Variants in APBA1 observed in about 807,000 individuals in gnomAD.
APBA1 encodes the protein amyloid-beta A4 precursor protein-binding family A member 1.
APBA1 carries 55 observed loss-of-function variants against 86.6 expected under a neutral mutation model. The observed-to-expected ratio is 0.64, with a 90% CI of 0.51 to 0.80. APBA1 has a LOEUF of 0.80. Ranked by LOEUF, APBA1 falls within the 30% of genes least tolerant of loss-of-function variation. The probability of loss-of-function intolerance (pLI) is 0.00; values close to 1 mark genes in which losing one functional copy is unlikely to be tolerated. For synonymous variants in APBA1, 511 were observed against 493.9 expected, an observed-to-expected ratio of 1.03 and a Z score of -0.46; for missense variants, 1,090 against 1,183.0, an observed-to-expected ratio of 0.92 and a Z score of 1.15.
intron 2 of APBA1, among the ~76,000 whole-genome samples, chr9:69,482,596 C>T (rs1835532443): frequency 6.6e-6 from 1 of 150,684 alleles, no homozygotes; most frequent in Admixed American, 6.6e-5. Flanking sequence ...CTAGAAATAC[C>T]ATTTGACCCA....
chr9:69,636,849 G>C (rs1588405481), intron 1 of APBA1, among the ~76,000 whole-genome samples: 1 of 111,582 alleles, frequency 9.0e-6, no homozygotes, highest in East Asian at 2.8e-4. Flanking sequence ...GGGAGGGAGG[G>C]AGGGAGGGAG....
At position 69,536,914 on chromosome 9, in the gene APBA1, A is replaced by G. The variant is rs547382356; in HGVS notation, c.-69-19635T>C. 5.3e-5 allele frequency among the ~76,000 whole-genome samples: 8 copies of G among 150,668 alleles called. No homozygotes were observed. The South Asian group carries it at 1.7e-3, about 32-fold the overall frequency. On this transcript the variant is annotated intron_variant, in intron 1 of 12. Coordinates refer to ENST00000265381, the MANE Select transcript of APBA1 (RefSeq NM_001163.4). The stretch of plus-strand genomic sequence containing the variant: ...CCACAAAAAAACAAAAAAAATTTAC[A>G]TAGCCCAAACCCCTCCTTTATGTGA...
At chr9:69,663,750 A>G (rs1823795586) in intron 1 of APBA1, among the ~76,000 whole-genome samples, 2 of 152,188 alleles carry the variant, frequency 1.3e-5, no homozygotes, top group African/African-American at 4.8e-5. Flanking sequence ...GGAGGCTGAA[A>G]AGGAAACTTA....
chr9:69,454,179 T>C (rs985336673), intron 8 of APBA1, among the ~76,000 whole-genome samples: 3 of 152,242 alleles, frequency 2.0e-5, no homozygotes, highest in Non-Finnish European at 4.4e-5. Context: ...TGGCTGGCTA[T>C]GGGAAAAGAA....
At chr9:69,512,328 C>G (rs924082071) in intron 2 of APBA1, among the ~76,000 whole-genome samples, 3 of 152,098 alleles carry the variant, frequency 2.0e-5, no homozygotes, top group Admixed American at 1.3e-4. Context: ...TCTCTATATA[C>G]AACTCACCAG....
At chr9:69,565,306 C>A (rs1034586263) in intron 1 of APBA1, among the ~76,000 whole-genome samples, 1 of 152,124 alleles carries the variant, frequency 6.6e-6, no homozygotes, top group Non-Finnish European at 1.5e-5. Flanking sequence ...CCAGCCTCCA[C>A]ATGCCACAGC....
At chr9:69,468,764 C>T (rs1835320342) in intron 4 of APBA1, among the ~76,000 whole-genome samples, 1 of 152,204 alleles carries the variant, frequency 6.6e-6, no homozygotes, top group Non-Finnish European at 1.5e-5. Flanking sequence ...CTTGTAAACC[C>T]TAACTCGAAA....
At chr9:69,632,086 G>GA (rs1317789006) in intron 1 of APBA1, among the ~76,000 whole-genome samples, 1 of 150,496 alleles carries the variant, frequency 6.6e-6, no homozygotes, top group Non-Finnish European at 1.5e-5. Context: ...TAAAAAAATA[G>GA]AAAAAAGAAA....
intron 1 of APBA1, among the ~76,000 whole-genome samples, chr9:69,551,020 C>T (rs187359958): frequency 3.7e-4 from 56 of 152,084 alleles, no homozygotes; most frequent in Non-Finnish European, 5.0e-4. Context: ...TTATCAGGAG[C>T]GTGTTAAACC....
chr9:69,565,937 G>C (rs1377447404), intron 1 of APBA1, among the ~76,000 whole-genome samples: 1 of 152,202 alleles, frequency 6.6e-6, no homozygotes, highest in African/African-American at 2.4e-5. Context: ...AGAGTGAGGA[G>C]CAAGCCCTGA....
chr9:69,494,424 C>T (rs539723544), intron 2 of APBA1: 3 of 152,160 alleles, frequency 2.0e-5, no homozygotes, highest in Admixed American at 1.3e-4. Flanking sequence ...TCATCCGAGG[C>T]CACACAAATA....
chr9:69,659,693 T>TG (rs1823713297), intron 1 of APBA1, among the ~76,000 whole-genome samples: 1 of 152,252 alleles, frequency 6.6e-6, no homozygotes, highest in South Asian at 2.1e-4. Context: ...ATACCTCACA[T>TG]GACTTAAATG....
At position 69,516,985 on chromosome 9, in the gene APBA1, C is replaced by A; in HGVS notation, c.226G>T (p.Ala76Ser). 1 of 1,585,004 alleles carries A rather than the reference C, an allele frequency of 6.3e-7. No homozygotes were observed. The highest frequency in any genetic ancestry group is 1.1e-5 in the South Asian group (1 of 88,754). Reference sequence around the variant, plus strand: ...CCGCTCTCCGTGCTGGCTGAGCGCGCCAGGCATTCCCCGCGCTCCTCTTCC... The same window carrying A: ...CCGCTCTCCGTGCTGGCTGAGCGCGACAGGCATTCCCCGCGCTCCTCTTCC... ...QEEEERGECL[A>S]RSASTESGFH... Residue 76 changes from alanine to serine, a missense_variant, in exon 2 of 13, where the codon GCG (alanine) becomes TCG (serine). Ala to Ser is a moderately conservative substitution (Grantham distance 99). Coordinates refer to ENST00000265381, the MANE Select transcript of APBA1 (RefSeq NM_001163.4). The surrounding 1 kb of genome is among the most constrained non-coding windows in gnomAD (Gnocchi z 7.3).
At chr9:69,492,761 G>A (rs1326682983) in intron 2 of APBA1, among the ~76,000 whole-genome samples, 3 of 151,976 alleles carry the variant, frequency 2.0e-5, no homozygotes, top group African/African-American at 2.4e-5. Context: ...GTTCACACAC[G>A]GCCTTGGCAC....
chr9:69,491,540 G>A (rs1036614003), intron 2 of APBA1, among the ~76,000 whole-genome samples: 22 of 151,336 alleles, frequency 1.5e-4, no homozygotes, highest in South Asian at 6.2e-4. Flanking sequence ...CCAACGTGGC[G>A]CATGTATACA....
intron 1 of APBA1, among the ~76,000 whole-genome samples, chr9:69,579,819 G>A (rs1391961858): frequency 6.6e-6 from 1 of 152,188 alleles, no homozygotes; most frequent in Non-Finnish European, 1.5e-5. Context: ...AAAGAGAAAA[G>A]CCAATTTGGA....
At chr9:69,493,817 G>A (rs1323323939) in intron 2 of APBA1, among the ~76,000 whole-genome samples, 1 of 152,072 alleles carries the variant, frequency 6.6e-6, no homozygotes, top group Non-Finnish European at 1.5e-5. Flanking sequence ...ACTTCTCAAG[G>A]TCCACTGTCC....
intron 1 of APBA1, among the ~76,000 whole-genome samples, chr9:69,578,751 T>A (rs923162744): frequency 5.3e-5 from 8 of 152,200 alleles, no homozygotes; most frequent in South Asian, 2.1e-4. Flanking sequence ...CTCCTTCTAG[T>A]CTTAACAGTC....
intron 1 of APBA1, among the ~76,000 whole-genome samples, chr9:69,633,951 CA>C (rs1211889734): frequency 6.6e-6 from 1 of 152,178 alleles, no homozygotes; most frequent in African/African-American, 2.4e-5. Context: ...GAAAGTTATT[CA>C]GTAAATGAGA....
Sources: allele counts gnomAD v4.1 joint callset (sites outside exome capture counted in the v4.1 genomes callset), GRCh38; gene constraint gnomAD v4.1.1; non-coding constraint Gnocchi (gnomAD v3.1); transcripts MANE v1.5; gene names NCBI Gene and HGNC (gene_info 2026-07-23, HGNC 2026-07-21).